The following ZNF514 variants were observed in gnomAD, a reference collection of about 807,000 sequenced individuals.
The protein encoded by ZNF514 is zinc finger protein 514.
ZNF514 carries 12 observed loss-of-function variants against 9.7 expected under a neutral mutation model. That is an observed-to-expected ratio of 1.24 (90% CI 0.79 to 2.01). The LOEUF (loss-of-function observed/expected upper bound fraction) is 2.01. Among genes scored for constraint, ZNF514 ranks in the 30% most tolerant of loss-of-function variants. ZNF514 has a pLI of 0.00. For synonymous variants in ZNF514, 158 were observed against 163.7 expected, an observed-to-expected ratio of 0.97 and a Z score of 0.27; for missense variants, 467 against 465.5, an observed-to-expected ratio of 1.00 and a Z score of -0.03.
the ZNF514 span, among the ~76,000 whole-genome samples, chr2:95,134,137 T>TCCCAGCCC: frequency 1.3e-5 from 2 of 152,066 alleles, no homozygotes; most frequent in African/African-American, 2.4e-5. Flanking sequence ...TGGCCAAATT[T>TCCCAGCCC]TTTTATTGGG....
At chr2:95,136,623 G>GAAA in the ZNF514 span, among the ~76,000 whole-genome samples, 1 of 142,010 alleles carries the variant, frequency 7.0e-6, no homozygotes. Context: ...CTCCTAACAG[G>GAAA]AAAAAAAAAA....
At position 95,146,327 on chromosome 2, in the gene ZNF514, A is replaced by C. The variant is rs1018978590; in HGVS notation, c.*2955T>G. ...TGTCCATTTTTAAAAACTTACACAA[A>C]CAAATATGTTTATGATTACAAATGG... On this transcript the variant is annotated 3_prime_UTR_variant, in exon 5 of 5. Coordinates refer to ENST00000295208, the MANE Select transcript of ZNF514 (RefSeq NM_032788.3). 7.6e-5 allele frequency among the ~76,000 whole-genome samples: 10 copies of C among 131,448 alleles called. No homozygotes were observed. Among genetic ancestry groups the C allele is most frequent in the Non-Finnish European group, 1.8e-4 (10 of 55,346 alleles). The allele number at this position is 131,448 out of a possible 152,430, so 86.2% of individuals were successfully genotyped here. A position where few individuals can be genotyped will look rare whatever the true frequency, so the allele number is the denominator to read the frequency against.
At chr2:95,154,096 A>T (rs1673618336) in intron 2 of ZNF514, 1 of 152,212 alleles carries the variant, frequency 6.6e-6, no homozygotes, top group Non-Finnish European at 1.5e-5. Flanking sequence ...GACCCTCCCT[A>T]AAGAATTGAG....
intron 4 of ZNF514, among the ~76,000 whole-genome samples, chr2:95,150,620 G>A (rs3105104): frequency 0.79 from 119,505 of 152,142 alleles, 47,225 homozygotes; most frequent in African/African-American, 0.84. Flanking sequence ...GTATAGGATC[G>A]TAAGTCACCC....
chr2:95,140,586 C>A (rs927758913), downstream of ZNF514, among the ~76,000 whole-genome samples: 1 of 151,586 alleles, frequency 6.6e-6, no homozygotes, highest in Non-Finnish European at 1.5e-5. Flanking sequence ...GCACTCCAAC[C>A]CGGTTGACGG....
chr2:95,138,914 G>A, the ZNF514 span, among the ~76,000 whole-genome samples: 2 of 152,222 alleles, frequency 1.3e-5, no homozygotes, highest in Non-Finnish European at 2.9e-5. Context: ...ATGGTTTTAT[G>A]GGCCAGGCCC....
intron 2 of ZNF514, among the ~76,000 whole-genome samples, chr2:95,156,788 T>C (rs1446994440): frequency 6.6e-6 from 1 of 152,146 alleles, no homozygotes; most frequent in Non-Finnish European, 1.5e-5. Context: ...ACACAGCCTG[T>C]AAGTAGTAAA....
chr2:95,144,909 CCA>C (rs148957998), downstream of ZNF514, among the ~76,000 whole-genome samples: 20 of 150,642 alleles, frequency 1.3e-4, no homozygotes, highest in Admixed American at 6.0e-4. Context: ...TTCTATGTAA[CCA>C]CACACACACA....
At chr2:95,132,851 G>A in the ZNF514 span, among the ~76,000 whole-genome samples, 2 of 111,990 alleles carry the variant, frequency 1.8e-5, no homozygotes, top group Non-Finnish European at 3.3e-5. Flanking sequence ...TTGGGCAACA[G>A]AGCAAGACTC....
At chr2:95,142,318 C>T (rs1219953153), downstream of ZNF514, among the ~76,000 whole-genome samples, 1 of 152,144 alleles carries the variant, frequency 6.6e-6, no homozygotes, top group Non-Finnish European at 1.5e-5. Context: ...ATTAAATAAA[C>T]CCAGCTGTGG....
chr2:95,129,748 G>A, the ZNF514 span, among the ~76,000 whole-genome samples: 2 of 152,272 alleles, frequency 1.3e-5, no homozygotes, highest in East Asian at 3.9e-4. Flanking sequence ...GCTCAGAGAT[G>A]TTGCCCAGTA....
the ZNF514 span, among the ~76,000 whole-genome samples, chr2:95,129,048 G>GC: frequency 6.6e-6 from 1 of 152,330 alleles, no homozygotes; most frequent in Admixed American, 6.5e-5. Flanking sequence ...GCCACTCTGG[G>GC]CCTACACTTC....
At chr2:95,159,040 A>G (rs1673764600) in intron 1 of ZNF514, 200 bp downstream of exon 1, 1 of 1,245,830 alleles carries the variant, frequency 8.0e-7, no homozygotes, top group Non-Finnish European at 1.0e-6. Context: ...TCTTTCGGCC[A>G]CAGCCCTGTG....
chr2:95,127,792 A>T, the ZNF514 span, among the ~76,000 whole-genome samples: 1 of 152,062 alleles, frequency 6.6e-6, no homozygotes, highest in Non-Finnish European at 1.5e-5. Flanking sequence ...TATTTTTAGT[A>T]GAGACAGGAT....
the ZNF514 span, among the ~76,000 whole-genome samples, chr2:95,138,457 T>A: frequency 7.2e-5 from 11 of 152,312 alleles, no homozygotes; most frequent in Admixed American, 2.6e-4. Flanking sequence ...AGGTCACCCA[T>A]TATGCCTTAG....
the ZNF514 span, among the ~76,000 whole-genome samples, chr2:95,138,366 T>C: frequency 6.6e-6 from 1 of 152,164 alleles, no homozygotes; most frequent in Non-Finnish European, 1.5e-5. Flanking sequence ...GTGACCAAAA[T>C]GCTTATAGTG....
At chr2:95,131,518 G>A in the ZNF514 span, among the ~76,000 whole-genome samples, 1 of 152,200 alleles carries the variant, frequency 6.6e-6, no homozygotes, top group African/African-American at 2.4e-5. Flanking sequence ...CCTCCTCTCA[G>A]TACATGTGAG....
At chr2:95,153,417 T>C (rs1284532818) in intron 2 of ZNF514, 158 bp from the exon 3 acceptor site, 3 of 608,926 alleles carry the variant, frequency 4.9e-6, no homozygotes, top group Admixed American at 3.4e-5. Context: ...AAAGGTTTTA[T>C]TCTCAATCTA....
the ZNF514 span, among the ~76,000 whole-genome samples, chr2:95,129,957 GC>G: frequency 6.6e-6 from 1 of 152,116 alleles, no homozygotes; most frequent in African/African-American, 2.4e-5. Context: ...CACCTAAGAG[GC>G]CTCCAGGGGT....
Sources: gnomAD v4.1 joint callset for allele counts (sites outside exome capture counted in the v4.1 genomes callset) on GRCh38, gnomAD v4.1.1 for gene constraint, MANE v1.5 for transcripts, NCBI Gene and HGNC (gene_info 2026-07-23, HGNC 2026-07-21) for gene names.